The following KLHL20 variants were observed in gnomAD, a reference collection of about 807,000 sequenced individuals.
The protein encoded by KLHL20 is kelch-like protein 20.
Under a neutral mutation model 69.5 loss-of-function variants are expected in KLHL20, and 29 were observed. That is an observed-to-expected ratio of 0.42 (90% CI 0.31 to 0.57). The LOEUF (loss-of-function observed/expected upper bound fraction) is 0.57. Ranked by LOEUF, KLHL20 falls within the 20% of genes least tolerant of loss-of-function variation. The pLI is 0.18. For synonymous variants in KLHL20, 253 were observed against 265.2 expected, an observed-to-expected ratio of 0.95 and a Z score of 0.45; for missense variants, 419 against 776.0, an observed-to-expected ratio of 0.54 and a Z score of 5.47.
Position 173,757,482 on chromosome 1 carries a change from G to A in KLHL20, c.1151+323G>A, listed in dbSNP as rs578162315. 8.6e-5 allele frequency among the ~76,000 whole-genome samples: 13 copies of A among 151,296 alleles called. 1 individual carries two copies. The highest frequency in any genetic ancestry group is 6.3e-4 in the South Asian group (3 of 4,790). ...TATGCATGCTGTTCTTTTTTCCCTG[G>A]GATACTTCTGCCACTTTAAGACTTA... On this transcript the variant is annotated intron_variant, in intron 7 of 11. Coordinates refer to ENST00000209884, the MANE Select transcript of KLHL20 (RefSeq NM_014458.4).
chr1:173,751,975 T>A (rs1329523961), intron 4 of KLHL20, 53 bp downstream of exon 4: 3 of 1,555,030 alleles, frequency 1.9e-6, no homozygotes, highest in Non-Finnish European at 1.8e-6. Flanking sequence ...TGGTGGCTCA[T>A]GACTGTAATC....
rs1035500046 is a variant in KLHL20 at position 173,782,493 on chromosome 1, T to C, written c.1745+263T>C. ...AAAAAAAATCTTCCTAGTCCCATCA[T>C]GTTCAGCTGAGGAAACAAAAGCACC... On this transcript the variant is annotated intron_variant, in intron 11 of 11. Transcript: ENST00000209884. Among the ~76,000 whole-genome samples, 7 of 152,030 alleles carry C rather than the reference T, an allele frequency of 4.6e-5. No homozygotes were observed. The South Asian group carries it at 8.3e-4, about 18-fold the overall frequency.
chr1:173,757,189 C>G (rs1412569941), intron 7 of KLHL20, 30 bp downstream of exon 7: 1 of 1,544,074 alleles, frequency 6.5e-7, no homozygotes, highest in East Asian at 2.3e-5. Flanking sequence ...AATTTTCTCT[C>G]TACTATTCAT....
At chr1:173,783,085 A>G (rs1648977299) in intron 11 of KLHL20, among the ~76,000 whole-genome samples, 1 of 152,244 alleles carries the variant, frequency 6.6e-6, no homozygotes, top group African/African-American at 2.4e-5. Flanking sequence ...AAAAATAACA[A>G]TACTATGGGT....
rs182081032 is a variant in KLHL20 at position 173,761,950 on chromosome 1, A to G, written c.1152-4196A>G. Reference sequence around the variant, plus strand: ...GAAACAAAAAGCTGGTTCTTTGAAAAGATAAATAAAATTGATAGACCATTA... The same window carrying G: ...GAAACAAAAAGCTGGTTCTTTGAAAGGATAAATAAAATTGATAGACCATTA... On this transcript the variant is annotated intron_variant, in intron 7 of 11. Coordinates refer to ENST00000209884, the MANE Select transcript of KLHL20 (RefSeq NM_014458.4). Among the ~76,000 whole-genome samples, 618 of 152,272 alleles carry G rather than the reference A, an allele frequency of 4.1e-3. 4 individuals carry two copies. The highest frequency in any genetic ancestry group is 4.1e-3 in the South Asian group (20 of 4,834).
chr1:173,769,401 G>A (rs1647940400), intron 8 of KLHL20, among the ~76,000 whole-genome samples: 1 of 152,118 alleles, frequency 6.6e-6, no homozygotes, highest in South Asian at 2.1e-4. Flanking sequence ...CCTACACTGA[G>A]GAGAATCAAA....
chr1:173,750,445 G>T (rs1673254193), intron 3 of KLHL20, among the ~76,000 whole-genome samples: 1 of 151,666 alleles, frequency 6.6e-6, no homozygotes, highest in Admixed American at 6.6e-5. Context: ...GAGTAGAAGG[G>T]ACTACAGGCA....
intron 2 of KLHL20, among the ~76,000 whole-genome samples, chr1:173,729,778 AAC>A (rs1672167067): frequency 6.6e-6 from 1 of 152,182 alleles, no homozygotes; most frequent in Admixed American, 6.5e-5. Flanking sequence ...AATGGGCAAA[AAC>A]TGGAAGCACT....
intron 2 of KLHL20, among the ~76,000 whole-genome samples, chr1:173,726,106 G>A (rs897299778): frequency 3.3e-5 from 5 of 152,120 alleles, no homozygotes; most frequent in African/African-American, 4.8e-5. Flanking sequence ...TATATCCCGC[G>A]CCTGGCTCAG....
intron 2 of KLHL20, among the ~76,000 whole-genome samples, chr1:173,724,676 A>C (rs1358906223): frequency 6.6e-6 from 1 of 152,126 alleles, no homozygotes; most frequent in Non-Finnish European, 1.5e-5. Flanking sequence ...ATGGTGACTC[A>C]CACCTGTAGT....
chr1:173,726,373 T>A (rs1671960591), intron 2 of KLHL20, among the ~76,000 whole-genome samples: 1 of 151,072 alleles, frequency 6.6e-6, no homozygotes, highest in African/African-American at 2.4e-5. Context: ...CACTTAAATG[T>A]CCCTGTCTGA....
intron 3 of KLHL20, chr1:173,741,613 C>A: frequency 2.2e-6 from 1 of 451,850 alleles, no homozygotes. Flanking sequence ...AAGTCAAAGC[C>A]AAGCTGGGGA....
chr1:173,783,395 C>G (rs1052991754), intron 11 of KLHL20, among the ~76,000 whole-genome samples: 3 of 152,160 alleles, frequency 2.0e-5, no homozygotes, highest in African/African-American at 7.2e-5. Context: ...TTACTGTATT[C>G]TAATAGTCTA....
intron 2 of KLHL20, among the ~76,000 whole-genome samples, chr1:173,718,546 A>C (rs1671564531): frequency 7.2e-6 from 1 of 138,116 alleles, no homozygotes. Context: ...ACAGTGTCTC[A>C]AAAAAAAAAA....
At chr1:173,733,576 C>A in intron 2 of KLHL20, 137 bp from the exon 3 acceptor site, 1 of 741,094 alleles carries the variant, frequency 1.3e-6, no homozygotes, top group Non-Finnish European at 2.1e-6. Flanking sequence ...AGTGAGACAT[C>A]ATCTCTACAA....
chr1:173,740,410 T>C (rs193252234), intron 3 of KLHL20, among the ~76,000 whole-genome samples: 3 of 152,066 alleles, frequency 2.0e-5, no homozygotes, highest in African/African-American at 7.2e-5. Context: ...ATGCCCGGCC[T>C]ATCATTTCTT....
chr1:173,729,383 A>G (rs1345227457), intron 2 of KLHL20, among the ~76,000 whole-genome samples: 2 of 152,246 alleles, frequency 1.3e-5, no homozygotes, highest in Non-Finnish European at 2.9e-5. Flanking sequence ...CGAGGCCAGC[A>G]TCATCCTGAT....
intron 8 of KLHL20, among the ~76,000 whole-genome samples, chr1:173,773,467 A>T (rs1194206304): frequency 2.0e-5 from 3 of 150,800 alleles, no homozygotes; most frequent in Admixed American, 6.6e-5. Flanking sequence ...AAATTTTTTT[A>T]AATGTAATGT....
At chr1:173,715,650 A>G (rs1671434531) in intron 1 of KLHL20, 1 of 178,184 alleles carries the variant, frequency 5.6e-6, no homozygotes, top group African/African-American at 2.4e-5. Flanking sequence ...TATGTGATCT[A>G]TCAGGTTAGT....
Sources: allele counts gnomAD v4.1 joint callset (sites outside exome capture counted in the v4.1 genomes callset), GRCh38; gene constraint gnomAD v4.1.1; transcripts MANE v1.5; gene names NCBI Gene and HGNC (gene_info 2026-07-23, HGNC 2026-07-21).